Variants in RALGAPB observed in about 807,000 individuals in gnomAD.
RALGAPB encodes ral GTPase-activating protein subunit beta.
A neutral mutation model predicts 161.1 loss-of-function variants in RALGAPB; 25 were observed. The ratio of observed to expected loss-of-function variants is 0.16; its 90% CI spans 0.11 to 0.22. RALGAPB has a LOEUF of 0.22. Among genes scored for constraint, RALGAPB ranks in the 10% least tolerant of loss-of-function variants. The pLI is 1.00. For synonymous variants in RALGAPB, 629 were observed against 626.1 expected (o/e 1.00, Z -0.07); for missense variants, 1,391 against 1,815.2 (o/e 0.77, Z 4.25).
intron 25 of RALGAPB, among the ~76,000 whole-genome samples, chr20:38,566,280 G>C (rs2087997011): frequency 6.6e-6 from 1 of 152,116 alleles, no homozygotes; most frequent in Non-Finnish European, 1.5e-5. Context: ...TGGAAGGTTG[G>C]ACCTTCCATG....
intron 20 of RALGAPB, among the ~76,000 whole-genome samples, chr20:38,550,865 C>A (rs571020677): frequency 6.6e-6 from 1 of 152,124 alleles, no homozygotes. Flanking sequence ...TATAAGAAGT[C>A]GATGAATATT....
Position 38,509,153 on chromosome 20 carries a change from G to A in RALGAPB, c.817G>A (p.Glu273Lys). 1 of 1,613,736 alleles carries A rather than the reference G, an allele frequency of 6.2e-7. No homozygotes were observed. Among genetic ancestry groups the A allele is most frequent in the Non-Finnish European group, 8.5e-7 (1 of 1,179,604 alleles). ...TGAAGATGCCAGTCTGATCCCTCCAGAAATGGATAATGAGTGTGTTGCACA... is the reference window on the plus strand; with the variant it reads ...TGAAGATGCCAGTCTGATCCCTCCAAAAATGGATAATGAGTGTGTTGCACA... ...PDEDASLIPP[E>K]MDNECVAQTW... The change falls in exon 6 of 30, where the codon GAA (glutamate) becomes AAA (lysine). Residue 273 changes from glutamate (E) to lysine (K), a missense_variant. By Grantham distance (56) the Glu-to-Lys change is moderately conservative. Transcript: ENST00000262879.
intron 2 of RALGAPB, among the ~76,000 whole-genome samples, chr20:38,491,744 T>TA (rs1970898784): frequency 6.6e-6 from 1 of 152,226 alleles, no homozygotes; most frequent in African/African-American, 2.4e-5. Context: ...TACACAGAGT[T>TA]ATTGTGATGG....
chr20:38,525,676 A>ATT (rs879471251), intron 12 of RALGAPB, among the ~76,000 whole-genome samples, 158 bp downstream of exon 12: 6 of 145,978 alleles, frequency 4.1e-5, no homozygotes, highest in African/African-American at 1.5e-4. Context: ...TTGACTTGTG[A>ATT]TTTTTTTTTT....
chr20:38,493,590 T>C (rs868618015), intron 3 of RALGAPB, among the ~76,000 whole-genome samples: 1 of 152,302 alleles, frequency 6.6e-6, no homozygotes, highest in Middle Eastern at 3.4e-3. Flanking sequence ...TTTCTGATTT[T>C]TTTTTCCATC....
At chr20:38,526,157 T>C (rs1158844534) in intron 13 of RALGAPB, 115 bp downstream of exon 13, 2 of 1,172,616 alleles carry the variant, frequency 1.7e-6, no homozygotes, top group Non-Finnish European at 2.4e-6. Context: ...CTACTTACTC[T>C]GAATCAGAGG....
At chr20:38,567,011 A>G in intron 25 of RALGAPB, 85 bp from the exon 26 acceptor site, 1 of 1,513,026 alleles carries the variant, frequency 6.6e-7, no homozygotes, top group South Asian at 1.4e-5. Context: ...GATTTAGGTT[A>G]GACTGGTGAG....
intron 1 of RALGAPB, among the ~76,000 whole-genome samples, chr20:38,480,647 C>A (rs2084939995): frequency 6.6e-6 from 1 of 151,730 alleles, no homozygotes; most frequent in African/African-American, 2.4e-5. Flanking sequence ...GTCGGCCTCC[C>A]AAAGTGCTGG....
chr20:38,549,838 A>G (rs1300709715), intron 20 of RALGAPB, among the ~76,000 whole-genome samples: 3 of 152,208 alleles, frequency 2.0e-5, no homozygotes, highest in Non-Finnish European at 4.4e-5. Context: ...GTCATTTTGT[A>G]TACTGCTCTT....
rs77185232 is a variant in RALGAPB at position 38,567,375 on chromosome 20, T to A, written c.3954+143T>A. The stretch of plus-strand genomic sequence containing the variant: ...GTAACTTAATTTTTTAAAATAAAAT[T>A]CTCACGATTTTCTCTTTTTCAGCCT... On this transcript the variant is annotated intron_variant, in intron 26 of 29. Coordinates refer to ENST00000262879, the MANE Select transcript of RALGAPB (RefSeq NM_020336.4). 6 of 1,195,974 alleles carry A rather than the reference T, an allele frequency of 5.0e-6. No individual in the cohort carries two copies. In the African/African-American group the frequency reaches 9.5e-5, roughly 19 times the overall value. 74.1% of individuals were successfully genotyped at this position (1,195,974 alleles called of 1,614,324 possible).
At chr20:38,487,336 T>TG in intron 1 of RALGAPB, among the ~76,000 whole-genome samples, 1 of 151,716 alleles carries the variant, frequency 6.6e-6, no homozygotes, top group Non-Finnish European at 1.5e-5. Flanking sequence ...TATTGTTGAT[T>TG]TTTTTTTATT....
intron 6 of RALGAPB, among the ~76,000 whole-genome samples, chr20:38,511,059 G>A (rs893168334): frequency 3.3e-4 from 50 of 152,130 alleles, no homozygotes; most frequent in African/African-American, 1.2e-3. Flanking sequence ...CAGGATTCTC[G>A]TATCTGGCTA....
chr20:38,570,910 A>G (rs938570227), intron 28 of RALGAPB, 63 bp downstream of exon 28: 3 of 1,068,040 alleles, frequency 2.8e-6, no homozygotes, highest in Non-Finnish European at 4.2e-6. Flanking sequence ...TTGCAGCTTA[A>G]TAAATAAGGA....
intron 13 of RALGAPB, among the ~76,000 whole-genome samples, chr20:38,530,214 G>A (rs867032527): frequency 1.5e-4 from 23 of 152,202 alleles, no homozygotes; most frequent in Non-Finnish European, 5.9e-5. Context: ...TGTATTTTAA[G>A]CAGCATACTC....
At chr20:38,541,559 T>C (rs1413851186) in intron 18 of RALGAPB, among the ~76,000 whole-genome samples, 1 of 152,228 alleles carries the variant, frequency 6.6e-6, no homozygotes, top group Admixed American at 6.5e-5. Flanking sequence ...CTCAGTGGTC[T>C]GTATTCTCTG....
chr20:38,549,907 A>T lies in RALGAPB; in HGVS notation c.3009+1112A>T, dbSNP rs1165642927. 2.0e-5 allele frequency among the ~76,000 whole-genome samples: 3 copies of T among 152,210 alleles called. No individual in the cohort carries two copies. In the East Asian group the frequency reaches 5.8e-4, roughly 29 times the overall value. ...TATTAAAAATATAAAATGTCCAACAATGATAGACTGGATTAAGAAAATGTG... is the reference window on the plus strand; with the variant it reads ...TATTAAAAATATAAAATGTCCAACATTGATAGACTGGATTAAGAAAATGTG... On this transcript the variant is annotated intron_variant, in intron 20 of 29. Coordinates refer to ENST00000262879, the MANE Select transcript of RALGAPB (RefSeq NM_020336.4).
In RALGAPB at chr20:38,558,473, T is replaced by TC; in HGVS notation, c.3531+20_3531+21insC. On this transcript the variant is annotated intron_variant, in intron 23 of 29. Transcript: ENST00000262879. ...CAAGAGGTAAGAGTTACGAATTTTT[T>TC]TTTTTTGGTATGTTTTTGTGCTATA... 1 of 1,520,654 alleles carries TC rather than the reference T, an allele frequency of 6.6e-7. No individual in the cohort carries two copies. The highest frequency in any genetic ancestry group is 2.1e-5 in the Admixed American group (1 of 47,740). 94.2% of individuals were successfully genotyped at this position (1,520,654 alleles called of 1,614,324 possible).
chr20:38,480,296 G>A (rs777338029), intron 1 of RALGAPB, among the ~76,000 whole-genome samples: 1 of 146,032 alleles, frequency 6.8e-6, no homozygotes, highest in Non-Finnish European at 1.5e-5. Context: ...TCTTTCCTTT[G>A]GCTCTGGGTT....
chr20:38,508,988 TCATC>T, intron 5 of RALGAPB, 85 bp from the exon 6 acceptor site: 1 of 1,404,596 alleles, frequency 7.1e-7, no homozygotes, highest in Non-Finnish European at 9.9e-7. Flanking sequence ...TACACATGTT[TCATC>T]CATTTTCTCT....
Sources: gnomAD v4.1 joint callset for allele counts (sites outside exome capture counted in the v4.1 genomes callset) on GRCh38, gnomAD v4.1.1 for gene constraint, MANE v1.5 for transcripts, NCBI Gene and HGNC (gene_info 2026-07-23, HGNC 2026-07-21) for gene names.